Variants in DACH2 observed in about 807,000 individuals in gnomAD.
The protein encoded by DACH2 is dachshund family transcription factor 2, also known as dachshund homolog 2.
DACH2 carries 17 observed loss-of-function variants against 35.8 expected under a neutral mutation model. The observed-to-expected ratio is 0.48, with a 90% CI of 0.33 to 0.71. The LOEUF (loss-of-function observed/expected upper bound fraction) is 0.71. DACH2 is among the 30% of genes least tolerant of loss of function. DACH2 has a pLI of 0.02. For synonymous variants in DACH2, 195 were observed against 177.3 expected, an observed-to-expected ratio of 1.10 and a Z score of -0.79; for missense variants, 469 against 472.7, an observed-to-expected ratio of 0.99 and a Z score of 0.07.
intron 3 of DACH2, among the ~76,000 whole-genome samples, chrX:86,615,061 A>G (rs2039987820): frequency 9.0e-6 from 1 of 111,541 alleles, no homozygotes; most frequent in African/African-American, 3.3e-5. Context: ...AAAACACTCT[A>G]TCAGTGACTG....
intron 2 of DACH2, among the ~76,000 whole-genome samples, chrX:86,442,352 A>ATT (rs199552875): frequency 4.1e-4 from 12 of 29,393 alleles, no homozygotes; most frequent in Non-Finnish European, 6.2e-4. Context: ...TTTAAGTAGT[A>ATT]TTTTGTGTGT....
At chrX:86,530,388 T>A (rs750414795) in intron 3 of DACH2, among the ~76,000 whole-genome samples, 23 of 111,919 alleles carry the variant, frequency 2.1e-4, no homozygotes, top group African/African-American at 7.1e-4. Context: ...AGGAACCTGG[T>A]AGGAGATGAT....
chrX:86,389,895 AT>A (rs1357598178), intron 2 of DACH2, among the ~76,000 whole-genome samples: 2 of 112,245 alleles, frequency 1.8e-5, no homozygotes, highest in African/African-American at 6.5e-5. Context: ...TGGAAAAAAA[AT>A]CTTAAAACTA....
chrX:86,687,990 A>G (rs1400282126), intron 4 of DACH2, among the ~76,000 whole-genome samples: 1 of 111,032 alleles, frequency 9.0e-6, no homozygotes, highest in Non-Finnish European at 1.9e-5. Context: ...GTGTATACCT[A>G]TGTAACAAAG....
chrX:86,686,224 T>A (rs1363790132), intron 4 of DACH2, among the ~76,000 whole-genome samples: 1 of 110,410 alleles, frequency 9.1e-6, no homozygotes, highest in African/African-American at 3.3e-5. Context: ...ATTTTTATTT[T>A]ATTTATTTAT....
chrX:86,618,172 G>T lies in DACH2; in HGVS notation c.641-32864G>T, dbSNP rs1200434797. The stretch of plus-strand genomic sequence containing the variant: ...CTCAGCTATTTGGGAGGCTGAAGTG[G>T]GAAGATTACTTGAGCCCAAGAGTTC... On this transcript the variant is annotated intron_variant, in intron 3 of 11. Transcript: ENST00000373125. Among the ~76,000 whole-genome samples the T allele has an allele frequency of 2.7e-5, 3 of 111,497 alleles. No individual in the cohort carries two copies. In the Admixed American group the frequency reaches 2.9e-4, roughly 11 times the overall value.
intron 1 of DACH2, among the ~76,000 whole-genome samples, chrX:86,178,414 T>A (rs1465661910): frequency 6.3e-5 from 7 of 111,719 alleles, no homozygotes; most frequent in Non-Finnish European, 1.3e-4. Flanking sequence ...CAGTTTGATA[T>A]GTCATTTTAT....
intron 1 of DACH2, among the ~76,000 whole-genome samples, chrX:86,240,811 C>T (rs1030879644): frequency 4.6e-5 from 5 of 109,657 alleles, no homozygotes; most frequent in Non-Finnish European, 7.6e-5. Flanking sequence ...AGTGTGTTCT[C>T]ACAATATCTG....
intron 3 of DACH2, among the ~76,000 whole-genome samples, chrX:86,531,157 A>T (rs1179381882): frequency 1.8e-5 from 2 of 112,172 alleles, no homozygotes; most frequent in African/African-American, 3.2e-5. Flanking sequence ...TGTGATTAAA[A>T]GCGAAGTAGA....
intron 3 of DACH2, among the ~76,000 whole-genome samples, chrX:86,524,032 C>A (rs780202466): frequency 1.5e-4 from 17 of 112,474 alleles, no homozygotes; most frequent in East Asian, 1.4e-3. Flanking sequence ...CAAAGTTAAA[C>A]TTTAAACTAA....
intron 1 of DACH2, among the ~76,000 whole-genome samples, chrX:86,286,196 C>T (rs1384036037): frequency 8.4e-5 from 7 of 83,062 alleles, no homozygotes; most frequent in African/African-American, 1.8e-4. Flanking sequence ...GGCGCAATCT[C>T]GGCTCACTGC....
chrX:86,746,836 C>T (rs950045213), intron 7 of DACH2, among the ~76,000 whole-genome samples: 2 of 111,127 alleles, frequency 1.8e-5, no homozygotes, highest in Admixed American at 9.6e-5. Flanking sequence ...AAGAATGCTT[C>T]GTCCTTACAC....
chrX:86,729,036 G>T (rs1221237201), intron 6 of DACH2, among the ~76,000 whole-genome samples: 1 of 112,048 alleles, frequency 8.9e-6, no homozygotes, highest in Non-Finnish European at 1.9e-5. Flanking sequence ...ACCCCAGAAT[G>T]GTAGATCCCC....
chrX:86,167,961 A>G (rs1358095251), intron 1 of DACH2, among the ~76,000 whole-genome samples: 4 of 111,819 alleles, frequency 3.6e-5, no homozygotes, highest in African/African-American at 6.5e-5. Context: ...GATTTAACAT[A>G]TGGTCTGTCC....
In DACH2 at chrX:86,199,718, G is replaced by A. The variant is rs192753622; in HGVS notation, c.488+50610G>A. ...TAGCTATTGTAAACAATAGTAAATA[G>A]GAGTAAATACAGCTAATCAGAAAGG... On this transcript the variant is annotated intron_variant, in intron 1 of 11. Transcript: ENST00000373125. Among the ~76,000 whole-genome samples, 3 of 111,395 alleles carry A rather than the reference G, an allele frequency of 2.7e-5. No homozygotes were observed. The East Asian group carries it at 8.5e-4, about 32-fold the overall frequency.
intron 1 of DACH2, among the ~76,000 whole-genome samples, chrX:86,191,897 C>G (rs143072828): frequency 1.8e-5 from 2 of 111,565 alleles, no homozygotes; most frequent in African/African-American, 6.5e-5. Context: ...GCCGAGATTG[C>G]GCCACTGCAC....
At chrX:86,785,737 A>G (rs1485304963) in intron 7 of DACH2, among the ~76,000 whole-genome samples, 2 of 111,733 alleles carry the variant, frequency 1.8e-5, no homozygotes, top group African/African-American at 6.5e-5. Flanking sequence ...CATCAAGTCA[A>G]CAAGACCACA....
intron 2 of DACH2, chrX:86,512,983 T>C: frequency 3.1e-6 from 1 of 321,180 alleles, no homozygotes; most frequent in African/African-American, 2.7e-5. Context: ...CAGAATCTTT[T>C]GCGCTAGATT....
chrX:86,337,451 C>A (rs1464167997), intron 1 of DACH2, among the ~76,000 whole-genome samples: 1 of 111,728 alleles, frequency 9.0e-6, no homozygotes, highest in Non-Finnish European at 1.9e-5. Flanking sequence ...TAATTTTCAA[C>A]CCAGAATTTC....
Sources: allele counts gnomAD v4.1 joint callset (sites outside exome capture counted in the v4.1 genomes callset), GRCh38; gene constraint gnomAD v4.1.1; transcripts MANE v1.5; gene names NCBI Gene and HGNC (gene_info 2026-07-23, HGNC 2026-07-21).